Variants in OLIG2 observed in about 807,000 individuals in gnomAD.
OLIG2 encodes the protein basic domain, helix-loop-helix protein, class B, 1.
A neutral mutation model predicts 13.4 loss-of-function variants in OLIG2; 12 were observed. That is an observed-to-expected ratio of 0.90 (90% CI 0.58 to 1.46). The LOEUF (loss-of-function observed/expected upper bound fraction) is 1.46, where lower values mean the gene tolerates loss of function less well. Ranked by LOEUF, OLIG2 falls within the 40% of genes most tolerant of loss-of-function variation. OLIG2 has a pLI of 0.00. For synonymous variants in OLIG2, 250 were observed against 233.6 expected, an observed-to-expected ratio of 1.07 and a Z score of -0.64; for missense variants, 415 against 487.9, an observed-to-expected ratio of 0.85 and a Z score of 1.41.
Position 33,027,610 on chromosome 21 carries a change from T to C in OLIG2, c.748T>C (p.Ser250Pro). Reference sequence around the variant, plus strand: ...CTCTCTGCCCGGATCCGGGCTGCCGTCGGTCGGCTCCATCCGTCCACCGCA... The same window carrying C: ...CTCTCTGCCCGGATCCGGGCTGCCGCCGGTCGGCTCCATCCGTCCACCGCA... ...SASLPGSGLP[S>P]VGSIRPPHGL... is the part of the protein sequence containing the mutation. Residue 250 changes from serine (S) to proline (P), a missense_variant, in exon 2 of 2, where the codon TCG (serine) becomes CCG (proline). Physicochemically the swap from Ser to Pro is moderately conservative, Grantham distance 74. This residue lies in a region of OLIG2 where 243 missense variants were observed against 241.2 expected (regional missense o/e 1.01). Coordinates refer to ENST00000382357, the MANE Select transcript of OLIG2 (RefSeq NM_005806.4). 6.8e-7 allele frequency: 1 copy of C among 1,476,306 alleles called. No homozygotes were observed. The highest frequency in any genetic ancestry group is 8.9e-7 in the Non-Finnish European group (1 of 1,119,644). The allele number at this position is 1,476,306 out of a possible 1,614,324, so 91.5% of individuals were successfully genotyped here. A position where few individuals can be genotyped will look rare whatever the true frequency, so the allele number is the denominator to read the frequency against.
Position 33,027,677 on chromosome 21 carries a change from T to C in OLIG2, c.815T>C (p.Leu272Pro). ...KSPSAAAAAP[L>P]GGGGGGSGAS... ...CCGTCTGCTGCCGCGGCCGCCCCGC[T>C]GGGGGGCGGGGGCGGCGGCAGTGGG... The change falls in exon 2 of 2, where the codon CTG becomes CCG. Residue 272 changes from leucine to proline, a missense_variant. Transcript: ENST00000382357. 1 of 1,378,064 alleles carries C rather than the reference T, an allele frequency of 7.3e-7. No homozygotes were observed. The highest frequency in any genetic ancestry group is 9.3e-7 in the Non-Finnish European group (1 of 1,074,116). 85.4% of individuals were successfully genotyped at this position (1,378,064 alleles called of 1,614,324 possible). A position where few individuals can be genotyped will look rare whatever the true frequency, so the allele number is the denominator to read the frequency against.
Position 33,026,622 on chromosome 21 carries a change from G to A in OLIG2, c.-62-179G>A. The A allele has an allele frequency of 3.4e-6, 2 of 580,344 alleles. No individual in the cohort carries two copies. The highest frequency in any genetic ancestry group is 4.2e-5 in the South Asian group (2 of 48,008). The allele number at this position is 580,344 out of a possible 1,614,324, so 35.9% of individuals were successfully genotyped here. A position where few individuals can be genotyped will look rare whatever the true frequency, so the allele number is the denominator to read the frequency against. On this transcript the variant is annotated intron_variant, in intron 1 of 1. Coordinates refer to ENST00000382357, the MANE Select transcript of OLIG2 (RefSeq NM_005806.4). The surrounding 1 kb of genome is among the most constrained non-coding windows in gnomAD (Gnocchi z 6.6). ...TATAGGTACCCGCGTGCAGCTAAAAGGAGGGCCAGAGATAGTAGCGAGGGG... is the reference window on the plus strand; with the variant it reads ...TATAGGTACCCGCGTGCAGCTAAAAAGAGGGCCAGAGATAGTAGCGAGGGG...
rs1981214779 is a variant in OLIG2, at chr21:33,028,941, T to C, written c.*1107T>C. The C allele has an allele frequency of 4.1e-6, 1 of 242,734 alleles. No homozygotes were observed. The highest frequency in any genetic ancestry group is 1.8e-4 in the South Asian group (1 of 5,494). 15.0% of individuals were successfully genotyped at this position (242,734 alleles called of 1,614,324 possible). The stretch of plus-strand genomic sequence containing the variant: ...TATTTTGGTTTATTTTTGCCACGTT[T>C]AACACAAATGGTAAACTCCTCCACG... On this transcript the variant is annotated 3_prime_UTR_variant, in exon 2 of 2. Transcript: ENST00000382357.
Position 33,029,128 on chromosome 21 carries a change from T to C in OLIG2, c.*1294T>C, listed in dbSNP as rs1489341340. The stretch of plus-strand genomic sequence containing the variant: ...AAAACAAAGTGCTAAATAATATTTA[T>C]TACTTGTTTGGTTGCAAAAACGGAA... On this transcript the variant is annotated 3_prime_UTR_variant, in exon 2 of 2. Coordinates refer to ENST00000382357, the MANE Select transcript of OLIG2 (RefSeq NM_005806.4). 4.7e-6 allele frequency: 1 copy of C among 211,188 alleles called. No homozygotes were observed. Among genetic ancestry groups the C allele is most frequent in the Non-Finnish European group, 1.1e-5 (1 of 94,598 alleles). The allele number at this position is 211,188 out of a possible 1,614,324, so 13.1% of individuals were successfully genotyped here. A position where few individuals can be genotyped will look rare whatever the true frequency, so the allele number is the denominator to read the frequency against.
rs893955803 is a variant in OLIG2 at position 33,026,448 on chromosome 21, A to C, written c.-62-353A>C. On this transcript the variant is annotated intron_variant, in intron 1 of 1. Transcript: ENST00000382357. The surrounding 1 kb of genome is among the most constrained non-coding windows in gnomAD (Gnocchi z 6.6). ...CCCCAAAGAAAGGCCCTCACTTCCC[A>C]CTCGTTTATTCCAGCCCGGGGGCTC... 1.4e-5 allele frequency: 3 copies of C among 209,602 alleles called. No homozygotes were observed. The highest frequency in any genetic ancestry group is 9.7e-6 in the Non-Finnish European group (1 of 102,874). The allele number at this position is 209,602 out of a possible 1,614,324, so 13.0% of individuals were successfully genotyped here.
At position 33,027,505 on chromosome 21, in the gene OLIG2, C is replaced by A; in HGVS notation, c.643C>A (p.Pro215Thr). 6.7e-7 allele frequency: 1 copy of A among 1,483,890 alleles called. No homozygotes were observed. The highest frequency in any genetic ancestry group is 8.9e-7 in the Non-Finnish European group (1 of 1,125,194). The allele number at this position is 1,483,890 out of a possible 1,614,324, so 91.9% of individuals were successfully genotyped here. A position where few individuals can be genotyped will look rare whatever the true frequency, so the allele number is the denominator to read the frequency against. The change falls in exon 2 of 2, where the codon CCC becomes ACC. Residue 215 changes from proline to threonine, a missense_variant. This residue lies in a region of OLIG2 where 243 missense variants were observed against 241.2 expected (regional missense o/e 1.01). Transcript: ENST00000382357. ...PAAAAHAAHH[P>T]AVHHPILPPA... ...AGCAGCAGCGCACGCCGCACATCAC[C>A]CCGCGGTGCACCACCCCATCCTGCC...
Position 33,026,660 on chromosome 21 carries a change from C to T in OLIG2, c.-62-141C>T, listed in dbSNP as rs987760985. 29 of 637,404 alleles carry T rather than the reference C, an allele frequency of 4.5e-5. No individual in the cohort carries two copies. The highest frequency in any genetic ancestry group is 4.0e-5 in the South Asian group (2 of 50,378). The allele number at this position is 637,404 out of a possible 1,614,324, so 39.5% of individuals were successfully genotyped here. A position where few individuals can be genotyped will look rare whatever the true frequency, so the allele number is the denominator to read the frequency against. On this transcript the variant is annotated intron_variant, in intron 1 of 1. Transcript: ENST00000382357. This position sits in a 1 kb window ranked among gnomAD's most constrained non-coding sequence, Gnocchi z 6.6. ...TAGTAGCGAGGGGGACGAGGAGCCA[C>T]GGGCCACCTGTGCCGGGACCCCGCG...
At position 33,027,064 on chromosome 21, in the gene OLIG2, G is replaced by A; in HGVS notation, c.202G>A (p.Asp68Asn). Residue 68 changes from aspartate to asparagine, a missense_variant, in exon 2 of 2, where the codon GAC becomes AAC. Asp to Asn is a conservative substitution (Grantham distance 23, BLOSUM62 1). Around this residue, in one of 3 missense-constraint regions of OLIG2, gnomAD observed 122 missense variants for 126.8 expected, o/e 0.96. Transcript: ENST00000382357. ...AMGSAGAHPG[D>N]KLGGSGFKSS... ...GGGCTCTGCGGGCGCGCATCCTGGGGACAAGCTAGGAGGCAGTGGCTTCAA... is the reference window on the plus strand; with the variant it reads ...GGGCTCTGCGGGCGCGCATCCTGGGAACAAGCTAGGAGGCAGTGGCTTCAA... The A allele has an allele frequency of 1.9e-6, 3 of 1,611,932 alleles. No homozygotes were observed. Among genetic ancestry groups the A allele is most frequent in the Non-Finnish European group, 2.5e-6 (3 of 1,179,100 alleles).
In OLIG2 at chr21:33,027,804, C is replaced by G. The variant is rs1483833149; in HGVS notation, c.942C>G (p.Ser314Arg). 7.0e-7 allele frequency: 1 copy of G among 1,426,434 alleles called. No homozygotes were observed. Among genetic ancestry groups the G allele is most frequent in the Non-Finnish European group, 9.1e-7 (1 of 1,096,438 alleles). 88.4% of individuals were successfully genotyped at this position (1,426,434 alleles called of 1,614,324 possible). Residue 314 changes from serine to arginine, a missense_variant, in exon 2 of 2, where the codon AGC (serine) becomes AGG (arginine). This residue lies in a region of OLIG2 where 243 missense variants were observed against 241.2 expected (regional missense o/e 1.01). Coordinates refer to ENST00000382357, the MANE Select transcript of OLIG2 (RefSeq NM_005806.4). ...ACGTGTCGGCTATGGGCGCCGGCAG[C>G]CTGCCGCGCCTCACCTCCGACGCCA... ...HHHVSAMGAG[S>R]LPRLTSDAK
rs1207208524 is a variant in OLIG2, at chr21:33,026,428, A to G, written c.-62-373A>G. On this transcript the variant is annotated intron_variant, in intron 1 of 1. Transcript: ENST00000382357. This position sits in a 1 kb window ranked among gnomAD's most constrained non-coding sequence, Gnocchi z 6.6. ...TCTATCTAGATCTCCATTCTCCCCA[A>G]AGAAAGGCCCTCACTTCCCACTCGT... is the stretch of plus-strand genomic sequence containing the variant. 3 of 191,284 alleles carry G rather than the reference A, an allele frequency of 1.6e-5. No homozygotes were observed. Among genetic ancestry groups the G allele is most frequent in the East Asian group, 2.9e-4 (2 of 6,886 alleles). 11.8% of individuals were successfully genotyped at this position (191,284 alleles called of 1,614,324 possible). A position where few individuals can be genotyped will look rare whatever the true frequency, so the allele number is the denominator to read the frequency against.
At position 33,027,048 on chromosome 21, in the gene OLIG2, G is replaced by A. The variant is rs1022367521; in HGVS notation, c.186G>A (p.Ala62=). The change falls in exon 2 of 2, where the codon GCG becomes GCA. Residue 62 remains alanine (A), a synonymous_variant. Coordinates refer to ENST00000382357, the MANE Select transcript of OLIG2 (RefSeq NM_005806.4). The part of the protein sequence containing the change: ...SAELRGAMGS[A]GAHPGDKLGG... ...AGCTGCGCGGCGCTATGGGCTCTGC[G>A]GGCGCGCATCCTGGGGACAAGCTAG... 14 of 1,611,602 alleles carry A rather than the reference G, an allele frequency of 8.7e-6. No homozygotes were observed. The highest frequency in any genetic ancestry group is 2.2e-5 in the South Asian group (2 of 90,778).
chr21:33,028,143 C>T lies in OLIG2; in HGVS notation c.*309C>T. ...TGTGCATTCCTCACTAGAACTCATC[C>T]GACCCCCGACCCCCACCTCCGGGAA... On this transcript the variant is annotated 3_prime_UTR_variant, in exon 2 of 2. Coordinates refer to ENST00000382357, the MANE Select transcript of OLIG2 (RefSeq NM_005806.4). 1 of 337,246 alleles carries T rather than the reference C, an allele frequency of 3.0e-6. No individual in the cohort carries two copies. 20.9% of individuals were successfully genotyped at this position (337,246 alleles called of 1,614,324 possible).
chr21:33,027,034 G>T lies in OLIG2; in HGVS notation c.172G>T (p.Ala58Ser). The change falls in exon 2 of 2, where the codon GCT (alanine) becomes TCT (serine). Residue 58 changes from alanine to serine, a missense_variant. By Grantham distance (99) the Ala-to-Ser change is moderately conservative. Coordinates refer to ENST00000382357, the MANE Select transcript of OLIG2 (RefSeq NM_005806.4). ...GGAGCTGAGCGCCGAGCTGCGCGGC[G>T]CTATGGGCTCTGCGGGCGCGCATCC... is the stretch of plus-strand genomic sequence containing the variant. ...PPELSAELRG[A>S]MGSAGAHPGD... The T allele has an allele frequency of 6.2e-7, 1 of 1,611,790 alleles. No homozygotes were observed. The highest frequency in any genetic ancestry group is 8.5e-7 in the Non-Finnish European group (1 of 1,179,126).
chr21:33,026,714 GC>G lies in OLIG2; in HGVS notation c.-62-86del, dbSNP rs1486709921. ...TGGTACTGCGGTGCAGGCGGGAGCA[GC>G]TTTTCTGTCTCTCACTGACTCACTC... On this transcript the variant is annotated intron_variant, in intron 1 of 1. Coordinates refer to ENST00000382357, the MANE Select transcript of OLIG2 (RefSeq NM_005806.4). The surrounding 1 kb of genome is among the most constrained non-coding windows in gnomAD (Gnocchi z 6.6). 4.7e-6 allele frequency: 5 copies of G among 1,054,676 alleles called. No individual in the cohort carries two copies. The highest frequency in any genetic ancestry group is 6.7e-6 in the Non-Finnish European group (5 of 748,664). 65.3% of individuals were successfully genotyped at this position (1,054,676 alleles called of 1,614,324 possible).
rs1237770657 is a variant in OLIG2 at position 33,027,738 on chromosome 21, C to T, written c.876C>T (p.Pro292=). The T allele has an allele frequency of 1.4e-6, 2 of 1,379,692 alleles. No individual in the cohort carries two copies. The highest frequency in any genetic ancestry group is 3.1e-5 in the East Asian group (1 of 32,526). 85.5% of individuals were successfully genotyped at this position (1,379,692 alleles called of 1,614,324 possible). A position where few individuals can be genotyped will look rare whatever the true frequency, so the allele number is the denominator to read the frequency against. The part of the protein sequence containing the change: ...SGGFQHWGGM[P]CPCSMCQVPP... ...GCTTCCAGCACTGGGGCGGCATGCC[C>T]TGCCCCTGCAGCATGTGCCAGGTGC... Residue 292 remains proline, a synonymous_variant, in exon 2 of 2, where the codon CCC becomes CCT. Coordinates refer to ENST00000382357, the MANE Select transcript of OLIG2 (RefSeq NM_005806.4).
Position 33,026,751 on chromosome 21 carries a change from T to C in OLIG2, c.-62-50T>C, listed in dbSNP as rs1568808258. 2 of 1,292,876 alleles carry C rather than the reference T, an allele frequency of 1.5e-6. No individual in the cohort carries two copies. Among genetic ancestry groups the C allele is most frequent in the East Asian group, 2.5e-5 (1 of 39,438 alleles). 80.1% of individuals were successfully genotyped at this position (1,292,876 alleles called of 1,614,324 possible). A position where few individuals can be genotyped will look rare whatever the true frequency, so the allele number is the denominator to read the frequency against. On this transcript the variant is annotated intron_variant, in intron 1 of 1. Coordinates refer to ENST00000382357, the MANE Select transcript of OLIG2 (RefSeq NM_005806.4). The surrounding 1 kb of genome is among the most constrained non-coding windows in gnomAD (Gnocchi z 6.6). ...CTCACTGACTCACTCTCTCTCTCTC[T>C]CCCTCTCTCTCTCTCTCATTCTCTC...
Position 33,026,525 on chromosome 21 carries a change from CCCCGAGGGTCACCAACG to C in OLIG2, c.-62-274_-62-258del. 3.1e-6 allele frequency: 1 copy of C among 325,922 alleles called. No homozygotes were observed. Among genetic ancestry groups the C allele is most frequent in the Non-Finnish European group, 5.7e-6 (1 of 174,536 alleles). The allele number at this position is 325,922 out of a possible 1,614,324, so 20.2% of individuals were successfully genotyped here. On this transcript the variant is annotated intron_variant, in intron 1 of 1. Coordinates refer to ENST00000382357, the MANE Select transcript of OLIG2 (RefSeq NM_005806.4). The surrounding 1 kb of genome is among the most constrained non-coding windows in gnomAD (Gnocchi z 6.6). Reference sequence around the variant, plus strand: ...CGAAGCCTCTAGAATGCCACCCGCACCCCGAGGGTCACCAACGCTCCCTGAAATAACCTGTTGCATGA... The same window carrying C: ...CGAAGCCTCTAGAATGCCACCCGCACCTCCCTGAAATAACCTGTTGCATGA...
Position 33,026,764 on chromosome 21 carries a change from C to A in OLIG2, c.-62-37C>A. On this transcript the variant is annotated intron_variant, in intron 1 of 1. Coordinates refer to ENST00000382357, the MANE Select transcript of OLIG2 (RefSeq NM_005806.4). This position sits in a 1 kb window ranked among gnomAD's most constrained non-coding sequence, Gnocchi z 6.6. ...TCTCTCTCTCTCTCCCTCTCTCTCT[C>A]TCTCATTCTCTCTCTTTTCTCCTCC... 7.0e-7 allele frequency: 1 copy of A among 1,422,954 alleles called. No individual in the cohort carries two copies. Among genetic ancestry groups the A allele is most frequent in the South Asian group, 1.3e-5 (1 of 76,140 alleles). 88.1% of individuals were successfully genotyped at this position (1,422,954 alleles called of 1,614,324 possible).
rs1981069971 is a variant in OLIG2 at position 33,026,336 on chromosome 21, C to T, written c.-63+310C>T. The T allele has an allele frequency of 6.4e-6, 1 of 155,410 alleles. No homozygotes were observed. The highest frequency in any genetic ancestry group is 1.4e-5 in the Non-Finnish European group (1 of 69,866). 9.6% of individuals were successfully genotyped at this position (155,410 alleles called of 1,614,324 possible). ...CCGGCTCTGGGTGCATGTGCGTGTG[C>T]GTGTGTTTGCTGCGTGGTGTCGATG... On this transcript the variant is annotated intron_variant, in intron 1 of 1. Transcript: ENST00000382357. This position sits in a 1 kb window ranked among gnomAD's most constrained non-coding sequence, Gnocchi z 6.6.
Sources: allele counts gnomAD v4.1 joint callset, GRCh38; gene constraint gnomAD v4.1.1; regional missense constraint gnomAD v4.1.1; non-coding constraint Gnocchi (gnomAD v3.1); transcripts MANE v1.5; gene names NCBI Gene and HGNC (gene_info 2026-07-23, HGNC 2026-07-21).